Variants in ACACA observed in about 807,000 individuals in gnomAD.
ACACA encodes acetyl-CoA carboxylase 1.
In ACACA, 103 loss-of-function variants were observed where a neutral mutation model predicts 296.1. The observed-to-expected ratio is 0.35, with a 90% CI of 0.30 to 0.41. The LOEUF (loss-of-function observed/expected upper bound fraction) is 0.41. Ranked by LOEUF, ACACA falls within the 10% of genes least tolerant of loss-of-function variation. The probability of loss-of-function intolerance (pLI) is 1.00; values close to 1 mark genes in which losing one functional copy is unlikely to be tolerated. For missense variants in ACACA, 1,554 were observed against 2,989.7 expected (o/e 0.52, Z 11.20); for synonymous variants, 953 against 1,038.6 (o/e 0.92, Z 1.58).
At chr17:37,386,657 A>G (rs988078790) in intron 1 of ACACA, among the ~76,000 whole-genome samples, 20 of 152,156 alleles carry the variant, frequency 1.3e-4, no homozygotes, top group African/African-American at 4.3e-4. Flanking sequence ...GACACCATCA[A>G]TGATCATTTA....
intron 1 of ACACA, among the ~76,000 whole-genome samples, chr17:37,342,076 T>A (rs1189511733): frequency 6.6e-6 from 1 of 152,072 alleles, no homozygotes; most frequent in Non-Finnish European, 1.5e-5. Context: ...CTTCATTATA[T>A]AAAATTGTTG....
intron 1 of ACACA, chr17:37,392,289 A>G (rs1219274888): frequency 6.5e-6 from 1 of 153,090 alleles, no homozygotes; most frequent in African/African-American, 2.4e-5. Context: ...CAAGGGGTTC[A>G]GGGACTACAG....
In ACACA at chr17:37,162,692, C is replaced by T. The variant is rs2076508883; in HGVS notation, c.5080-642G>A. 4.5e-5 allele frequency: 12 copies of T among 266,256 alleles called. No homozygotes were observed. The South Asian group carries it at 4.8e-4, about 11-fold the overall frequency. 16.5% of individuals were successfully genotyped at this position (266,256 alleles called of 1,614,324 possible). ...CCCACCCCCAAATGCCACATGCTGC[C>T]CTTCTATGGTATGCGAATCTTGCAC... On this transcript the variant is annotated intron_variant, in intron 41 of 55. Coordinates refer to ENST00000616317, the MANE Select transcript of ACACA (RefSeq NM_198834.3).
chr17:37,403,164 T>C (rs1243964318), intron 1 of ACACA, among the ~76,000 whole-genome samples: 2 of 152,194 alleles, frequency 1.3e-5, no homozygotes, highest in East Asian at 3.8e-4. Flanking sequence ...GCTGTAGACT[T>C]GTATTTGTCA....
At chr17:37,351,896 G>A (rs1203005915) in intron 1 of ACACA, among the ~76,000 whole-genome samples, 2 of 148,578 alleles carry the variant, frequency 1.3e-5, no homozygotes, top group Admixed American at 1.3e-4. Flanking sequence ...GCCTCACAAT[G>A]CTGTGTAAAC....
intron 29 of ACACA, among the ~76,000 whole-genome samples, chr17:37,216,874 C>T (rs1202603743): frequency 1.3e-5 from 2 of 151,906 alleles, no homozygotes; most frequent in Non-Finnish European, 2.9e-5. Context: ...AACTCTGCTG[C>T]CAGTTTGCAG....
At chr17:37,381,229 A>G (rs1428850488) in intron 1 of ACACA, among the ~76,000 whole-genome samples, 1 of 152,054 alleles carries the variant, frequency 6.6e-6, no homozygotes, top group Non-Finnish European at 1.5e-5. Flanking sequence ...TCTGTCACCC[A>G]GGCTGGAGCG....
chr17:37,204,276 T>C (rs2078400764), intron 33 of ACACA, among the ~76,000 whole-genome samples: 1 of 152,174 alleles, frequency 6.6e-6, no homozygotes, highest in Non-Finnish European at 1.5e-5. Context: ...GCCTATCCTG[T>C]CCCCTCAACT....
At chr17:37,248,787 A>G (rs1364092759) in intron 16 of ACACA, 113 bp from the exon 17 acceptor site, 5 of 718,122 alleles carry the variant, frequency 7.0e-6, no homozygotes, top group East Asian at 6.0e-5. Flanking sequence ...GAAACAACCT[A>G]AATACCTAAA....
At chr17:37,088,633 C>G (rs2072388448) in intron 55 of ACACA, among the ~76,000 whole-genome samples, 1 of 152,164 alleles carries the variant, frequency 6.6e-6, no homozygotes, top group Non-Finnish European at 1.5e-5. Flanking sequence ...ACCACACACA[C>G]AATCAGCTTT....
In ACACA at chr17:37,121,501, A is replaced by G; in HGVS notation, c.6139-11T>C. ...AGCCTGCTGGATTATCTATTAGGAAAAGTCAAAGAAGACACAATTAACAAC... is the reference window on the plus strand; with the variant it reads ...AGCCTGCTGGATTATCTATTAGGAAGAGTCAAAGAAGACACAATTAACAAC... On this transcript the variant is annotated splice_polypyrimidine_tract_variant and intron_variant, in intron 49 of 55. Coordinates refer to ENST00000616317, the MANE Select transcript of ACACA (RefSeq NM_198834.3). 3 of 1,614,072 alleles carry G rather than the reference A, an allele frequency of 1.9e-6. No homozygotes were observed. The highest frequency in any genetic ancestry group is 1.1e-5 in the South Asian group (1 of 91,084).
At chr17:37,128,516 C>T (rs1484755999) in intron 47 of ACACA, among the ~76,000 whole-genome samples, 2 of 152,048 alleles carry the variant, frequency 1.3e-5, no homozygotes, top group African/African-American at 4.8e-5. Flanking sequence ...GAAATAGTTG[C>T]AATAAATATG....
intron 54 of ACACA, among the ~76,000 whole-genome samples, chr17:37,094,572 A>ACCCCCC (rs67691656): frequency 8.7e-6 from 1 of 114,486 alleles, no homozygotes; most frequent in Admixed American, 8.9e-5. Flanking sequence ...TTGAAGAACC[A>ACCCCCC]CCCCCCCCCC....
intron 18 of ACACA, 35 bp downstream of exon 18, chr17:37,247,976 G>C: frequency 1.2e-6 from 2 of 1,613,280 alleles, no homozygotes; most frequent in Non-Finnish European, 1.7e-6. Context: ...AGGCTAACAG[G>C]ATGACCAGCA....
At chr17:37,280,369 C>T (rs750610501) in intron 5 of ACACA, among the ~76,000 whole-genome samples, 3 of 152,030 alleles carry the variant, frequency 2.0e-5, no homozygotes, top group Non-Finnish European at 2.9e-5. Flanking sequence ...CCTCTATGCC[C>T]AGCTAATTTT....
chr17:37,181,122 G>A lies in ACACA; in HGVS notation c.4932+79C>T. On this transcript the variant is annotated intron_variant, in intron 40 of 55. Coordinates refer to ENST00000616317, the MANE Select transcript of ACACA (RefSeq NM_198834.3). ...TTGCCCTTTGGAGTGCCCCCTTCTA[G>A]CCAAAACCGCATCTGATGGAAATTC... 6.5e-6 allele frequency: 10 copies of A among 1,541,420 alleles called. No homozygotes were observed. In the South Asian group the frequency reaches 1.1e-4, roughly 17 times the overall value.
chr17:37,377,145 T>C lies in ACACA; in HGVS notation c.38+29117A>G, dbSNP rs547590289. On this transcript the variant is annotated intron_variant, in intron 1 of 55. Transcript: ENST00000616317. ...CTATAGAGATACCAAGGTCAGACAA[T>C]ATAAATCTCCAAAAGCTTTATTTAA... Among the ~76,000 whole-genome samples, 4 of 152,114 alleles carry C rather than the reference T, an allele frequency of 2.6e-5. No homozygotes were observed. In the East Asian group the frequency reaches 7.7e-4, roughly 29 times the overall value.
intron 1 of ACACA, among the ~76,000 whole-genome samples, chr17:37,369,042 G>A (rs1486607401): frequency 6.6e-6 from 1 of 152,034 alleles, no homozygotes; most frequent in African/African-American, 2.4e-5. Context: ...CAACACAAAT[G>A]TCTCTCAACA....
intron 1 of ACACA, chr17:37,376,052 G>A (rs1336535439): frequency 5.1e-6 from 8 of 1,554,990 alleles, no homozygotes; most frequent in African/African-American, 1.4e-5. Flanking sequence ...TGTGACAGAT[G>A]AGCAGTGGTC....
Sources: allele counts gnomAD v4.1 joint callset (sites outside exome capture counted in the v4.1 genomes callset), GRCh38; gene constraint gnomAD v4.1.1; transcripts MANE v1.5; gene names NCBI Gene and HGNC (gene_info 2026-07-23, HGNC 2026-07-21).